Variants in PLEKHG5 observed in about 807,000 individuals in gnomAD.
PLEKHG5 encodes the protein pleckstrin homology and RhoGEF domain containing G5.
In PLEKHG5, 52 loss-of-function variants were observed where a neutral mutation model predicts 103.8. The observed-to-expected ratio is 0.50, with a 90% CI of 0.40 to 0.63. The LOEUF (loss-of-function observed/expected upper bound fraction) is 0.63, where lower values mean the gene tolerates loss of function less well. PLEKHG5 is among the 30% of genes least tolerant of loss of function. PLEKHG5 has a pLI of 0.00. For missense variants in PLEKHG5, 1,205 were observed against 1,347.6 expected, an observed-to-expected ratio of 0.89 and a Z score of 1.66; for synonymous variants, 592 against 575.5, an observed-to-expected ratio of 1.03 and a Z score of -0.41.
At position 6,469,136 on chromosome 1, in the gene PLEKHG5, C is replaced by T. The variant is rs565235804; in HGVS notation, c.2155G>A (p.Glu719Lys). The change falls in exon 19 of 21, where the codon GAG (glutamate) becomes AAG (lysine). Residue 719 changes from glutamate (E) to lysine (K), a missense_variant. By Grantham distance (56) the Glu-to-Lys change is moderately conservative. Coordinates refer to ENST00000377728, the MANE Select transcript of PLEKHG5 (RefSeq NM_020631.6). ...DEQEEEEEEE[E>K]EEEEGEDSGT... is the part of the protein sequence containing the mutation. ...CTGTCCTCGCCTTCCTCCTCCTCCT[C>T]CTCCTCCTCCTCTTCCTCCTCCTGC... 1.9e-6 allele frequency: 3 copies of T among 1,612,584 alleles called. No individual in the cohort carries two copies. Among genetic ancestry groups the T allele is most frequent in the Non-Finnish European group, 2.5e-6 (3 of 1,179,536 alleles).
At chr1:6,493,162 G>A (rs1186140329), upstream of PLEKHG5, among the ~76,000 whole-genome samples, 1 of 152,218 alleles carries the variant, frequency 6.6e-6, no homozygotes, top group Non-Finnish European at 1.5e-5. Context: ...GGTGGGCCCA[G>A]AAGCCGAAGG....
rs1645127918 is a variant in PLEKHG5 at position 6,490,411 on chromosome 1, T to A, written c.-88+1226A>T. 1 of 979,700 alleles carries A rather than the reference T, an allele frequency of 1.0e-6. No individual in the cohort carries two copies. Among genetic ancestry groups the A allele is most frequent in the Non-Finnish European group, 1.2e-6 (1 of 825,030 alleles). The allele number at this position is 979,700 out of a possible 1,614,324, so 60.7% of individuals were successfully genotyped here. Reference sequence around the variant, plus strand: ...TCCTGGCGCCTAGTCCCACCCCCCGTCCGGAGCGCAGCTCCCACTTCCCCG... The same window carrying A: ...TCCTGGCGCCTAGTCCCACCCCCCGACCGGAGCGCAGCTCCCACTTCCCCG... On this transcript the variant is annotated intron_variant, in intron 1 of 20. Transcript: ENST00000377728. The surrounding 1 kb of genome is among the most constrained non-coding windows in gnomAD (Gnocchi z 8.0).
chr1:6,476,417 TCCTGA>T (rs1644766619), intron 2 of PLEKHG5, among the ~76,000 whole-genome samples: 1 of 152,156 alleles, frequency 6.6e-6, no homozygotes, highest in Non-Finnish European at 1.5e-5. Context: ...GTTCTCAAAC[TCCTGA>T]CCTGAAGTGA....
intron 1 of PLEKHG5, among the ~76,000 whole-genome samples, chr1:6,518,501 G>T (rs940365519): frequency 2.0e-5 from 3 of 150,376 alleles, no homozygotes; most frequent in African/African-American, 7.3e-5. Flanking sequence ...CGGAGCTTGT[G>T]GTGAGCCATA....
chr1:6,492,261 G>A (rs74049591), upstream of PLEKHG5, among the ~76,000 whole-genome samples: 8,496 of 152,154 alleles, frequency 0.056, 765 homozygotes, highest in African/African-American at 0.19. Flanking sequence ...CTCACATGTG[G>A]TGCCCAATGT....
chr1:6,471,201 G>T, intron 12 of PLEKHG5, 101 bp from the exon 13 acceptor site: 3 of 982,722 alleles, frequency 3.1e-6, no homozygotes, highest in Non-Finnish European at 4.7e-6. Flanking sequence ...GCACTTGGGC[G>T]ACCACCCCAA....
chr1:6,476,516 C>A (rs914916764), intron 2 of PLEKHG5, among the ~76,000 whole-genome samples: 1 of 152,150 alleles, frequency 6.6e-6, no homozygotes, highest in Non-Finnish European at 1.5e-5. Flanking sequence ...TCTATCCCCA[C>A]AGACCCAAAA....
chr1:6,478,833 G>A lies in PLEKHG5; in HGVS notation c.-87-1175C>T, dbSNP rs11802133. The stretch of plus-strand genomic sequence containing the variant: ...TAATTTTTGTATTTTTAGTAGAGAC[G>A]GAGTTTCACCATGTTGGCCAGGTTG... On this transcript the variant is annotated intron_variant, in intron 1 of 20. Coordinates refer to ENST00000377728, the MANE Select transcript of PLEKHG5 (RefSeq NM_020631.6). Among the ~76,000 whole-genome samples, 887 of 152,084 alleles carry A rather than the reference G, an allele frequency of 5.8e-3. 12 individuals carry two copies. The highest frequency in any genetic ancestry group is 0.019 in the African/African-American group (802 of 41,474).
chr1:6,475,116 G>A lies in PLEKHG5; in HGVS notation c.233C>T (p.Thr78Ile), dbSNP rs1400766881. The A allele has an allele frequency of 1.2e-6, 2 of 1,609,258 alleles. No individual in the cohort carries two copies. Among genetic ancestry groups the A allele is most frequent in the African/African-American group, 2.7e-5 (2 of 74,794 alleles). ...GTCCACATTCAGGTCAAATTTCAGA[G>A]TGAAGCATTCCTTGCTTGGGTCCTG... ...HTDDPSKECF[T>I]LKFDLNVDIE... is the part of the protein sequence containing the mutation. The change falls in exon 5 of 21, where the codon ACT becomes ATT. Residue 78 changes from threonine (T) to isoleucine (I), a missense_variant. Physicochemically the swap from Thr to Ile is moderately conservative, Grantham distance 89. Coordinates refer to ENST00000377728, the MANE Select transcript of PLEKHG5 (RefSeq NM_020631.6).
At position 6,491,558 on chromosome 1, in the gene PLEKHG5, C is replaced by G; in HGVS notation, c.-88+79G>C. On this transcript the variant is annotated intron_variant, in intron 1 of 20. Coordinates refer to ENST00000377728, the MANE Select transcript of PLEKHG5 (RefSeq NM_020631.6). The surrounding 1 kb of genome is among the most constrained non-coding windows in gnomAD (Gnocchi z 4.1). ...GAGATGGCCCAAACCTGGCCATTCC[C>G]TGGGGCATCCTGGTCTGCCGCTGCT... 1 of 745,084 alleles carries G rather than the reference C, an allele frequency of 1.3e-6. No individual in the cohort carries two copies. The highest frequency in any genetic ancestry group is 1.9e-5 in the African/African-American group (1 of 51,872). The allele number at this position is 745,084 out of a possible 1,614,324, so 46.2% of individuals were successfully genotyped here. A position where few individuals can be genotyped will look rare whatever the true frequency, so the allele number is the denominator to read the frequency against.
intron 1 of PLEKHG5, among the ~76,000 whole-genome samples, chr1:6,489,435 C>A (rs1645103620): frequency 6.6e-6 from 1 of 152,206 alleles, no homozygotes; most frequent in African/African-American, 2.4e-5. Flanking sequence ...CCAGGCTAAG[C>A]CCACCGCACG....
intron 1 of PLEKHG5, among the ~76,000 whole-genome samples, chr1:6,479,858 G>A (rs780015627): frequency 3.9e-5 from 6 of 152,130 alleles, no homozygotes; most frequent in Non-Finnish European, 8.8e-5. Context: ...CAATCTGCCC[G>A]CCTTGACCTC....
Position 6,468,374 on chromosome 1 carries a change from G to A in PLEKHG5, c.2462C>T (p.Thr821Ile), listed in dbSNP as rs754091736. ...RSCSMDSAYG[T>I]LSPTSLQDFV... The stretch of plus-strand genomic sequence containing the variant: ...GTCTTGTAAGGAGGTTGGGGAGAGG[G>A]TGCCGTAGGCAGAGTCCATGGAGCA... Residue 821 changes from threonine to isoleucine, a missense_variant, in exon 20 of 21, where the codon ACC becomes ATC. Physicochemically the swap from Thr to Ile is moderately conservative, Grantham distance 89. Coordinates refer to ENST00000377728, the MANE Select transcript of PLEKHG5 (RefSeq NM_020631.6). The A allele has an allele frequency of 2.5e-6, 4 of 1,609,784 alleles. No homozygotes were observed. The highest frequency in any genetic ancestry group is 3.4e-6 in the Non-Finnish European group (4 of 1,178,440).
intron 1 of PLEKHG5, chr1:6,485,316 C>A: frequency 7.1e-7 from 1 of 1,409,818 alleles, no homozygotes; most frequent in Non-Finnish European, 9.2e-7. Context: ...CCCGTCCCGG[C>A]CCCGTACCTG....
chr1:6,468,117 G>A lies in PLEKHG5; in HGVS notation c.2719C>T (p.Leu907=), dbSNP rs1461006719. 1 of 1,579,472 alleles carries A rather than the reference G, an allele frequency of 6.3e-7. No homozygotes were observed. Among genetic ancestry groups the A allele is most frequent in the Non-Finnish European group, 8.6e-7 (1 of 1,162,642 alleles). ...APSRSLSELC[L]AVPAPGIRTQ... The stretch of plus-strand genomic sequence containing the variant: ...CTAATACCTGGGGCTGGAACAGCCA[G>A]GCAGAGCTCTGACAGGCTGCGGCTG... The change falls in exon 20 of 21, where the codon CTG becomes TTG. Residue 907 remains leucine, a synonymous_variant. Coordinates refer to ENST00000377728, the MANE Select transcript of PLEKHG5 (RefSeq NM_020631.6).
At chr1:6,518,028 G>A (rs1638672459) in intron 1 of PLEKHG5, among the ~76,000 whole-genome samples, 1 of 151,988 alleles carries the variant, frequency 6.6e-6, no homozygotes, top group Non-Finnish European at 1.5e-5. Context: ...CGCCTCCCAG[G>A]TTCACACCAT....
At chr1:6,504,394 G>T (rs972937125) in intron 1 of PLEKHG5, among the ~76,000 whole-genome samples, 5 of 151,956 alleles carry the variant, frequency 3.3e-5, no homozygotes, top group Admixed American at 3.3e-4. Context: ...CGCACGTCCC[G>T]ATGGGGCCTG....
intron 1 of PLEKHG5, among the ~76,000 whole-genome samples, chr1:6,508,362 C>T (rs556522207): frequency 5.3e-5 from 8 of 152,228 alleles, no homozygotes; most frequent in African/African-American, 1.9e-4. Context: ...CTCCCACCTT[C>T]GCTTGTGCTG....
intron 1 of PLEKHG5, among the ~76,000 whole-genome samples, chr1:6,506,838 C>T (rs1457576973): frequency 4.6e-5 from 7 of 152,188 alleles, no homozygotes; most frequent in African/African-American, 1.4e-4. Context: ...GGCTCCCTTT[C>T]GGGGCTGGCC....
Sources: allele counts gnomAD v4.1 joint callset (sites outside exome capture counted in the v4.1 genomes callset), GRCh38; gene constraint gnomAD v4.1.1; non-coding constraint Gnocchi (gnomAD v3.1); transcripts MANE v1.5; gene names NCBI Gene and HGNC (gene_info 2026-07-23, HGNC 2026-07-21).